NEBL: variants seen among roughly 807,000 people sequenced by gnomAD.
NEBL encodes LIM and SH3 protein 2.
NEBL carries 122 observed loss-of-function variants against 140.2 expected under a neutral mutation model. That is an observed-to-expected ratio of 0.87 (90% confidence interval 0.75 to 1.01). The LOEUF is 1.01. Among genes scored for constraint, NEBL ranks in the 50% least tolerant of loss-of-function variants. NEBL has a pLI of 0.00. For synonymous variants in NEBL, 436 were observed against 398.9 expected, an observed-to-expected ratio of 1.09 and a Z score of -1.11; for missense variants, 1,365 against 1,231.3, an observed-to-expected ratio of 1.11 and a Z score of -1.62.
In NEBL at chr10:20,966,903, C is replaced by G. The variant is rs946229102; in HGVS notation, c.250-5124G>C. On this transcript the variant is annotated intron_variant, in intron 3 of 6. Transcript: ENST00000417816. ...AAGGAAGAAGGAAGCCAACTGGGAC[C>G]AGAGACTGGTAAATTGTTGAATGAC... Among the ~76,000 whole-genome samples the G allele has an allele frequency of 7.2e-5, 11 of 152,254 alleles. No homozygotes were observed. In the Middle Eastern group the frequency reaches 0.01, roughly 141 times the overall value.
chr10:21,083,221 G>A (rs752471698), intron 2 of NEBL, among the ~76,000 whole-genome samples: 22 of 152,194 alleles, frequency 1.4e-4, no homozygotes, highest in Non-Finnish European at 3.1e-4. Context: ...GGCCTATCAG[G>A]GAAAATGCTG....
chr10:20,844,669 T>C (rs1841738683), intron 12 of NEBL, among the ~76,000 whole-genome samples: 1 of 151,974 alleles, frequency 6.6e-6, no homozygotes, highest in Non-Finnish European at 1.5e-5. Flanking sequence ...AAAGTGGACA[T>C]GAGTTCCTCT....
chr10:20,858,962 G>A (rs1012425612), intron 8 of NEBL, among the ~76,000 whole-genome samples: 2 of 152,026 alleles, frequency 1.3e-5, no homozygotes, highest in Non-Finnish European at 1.5e-5. Context: ...TGATAAAACA[G>A]GATTTAGATC....
intron 3 of NEBL, among the ~76,000 whole-genome samples, chr10:21,240,865 A>G (rs1842428892): frequency 6.6e-6 from 1 of 151,108 alleles, no homozygotes; most frequent in Non-Finnish European, 1.5e-5. Flanking sequence ...AAGGAGGAGG[A>G]ACACTCATTT....
At chr10:20,969,674 T>C (rs1477691927) in intron 3 of NEBL, among the ~76,000 whole-genome samples, 1 of 151,350 alleles carries the variant, frequency 6.6e-6, no homozygotes, top group Non-Finnish European at 1.5e-5. Flanking sequence ...GCCTCCTCAG[T>C]AGCTGGGATT....
Position 20,897,167 on chromosome 10 carries a change from A to G in NEBL, c.39T>C (p.Thr13=), listed in dbSNP as rs750466214. 13 of 1,606,508 alleles carry G rather than the reference A, an allele frequency of 8.1e-6. No homozygotes were observed. In the South Asian group the frequency reaches 1.3e-4, roughly 16 times the overall value. ...VPVFEDIKDE[T]EEEKIGEEEN... ...CTTCTTCCCCTATCTTTTCTTCTTC[A>G]GTTTCATCTTTTATATCCTCAAATA... is the stretch of plus-strand genomic sequence containing the variant. Residue 13 remains threonine (T), a synonymous_variant, in exon 1 of 28, where the codon ACT becomes ACC. Transcript: ENST00000377122.
At chr10:20,998,849 T>C (rs1270079276) in intron 3 of NEBL, among the ~76,000 whole-genome samples, 3 of 152,204 alleles carry the variant, frequency 2.0e-5, no homozygotes, top group Non-Finnish European at 4.4e-5. Context: ...GTCTATGGAC[T>C]AACTTCTGTC....
chr10:20,825,620 C>T (rs1034617614), intron 18 of NEBL, among the ~76,000 whole-genome samples: 16 of 151,132 alleles, frequency 1.1e-4, no homozygotes, highest in East Asian at 3.9e-4. Flanking sequence ...GCTGAGATTA[C>T]GCCACTGCAC....
At chr10:20,952,106 T>C (rs951220205) in intron 4 of NEBL, among the ~76,000 whole-genome samples, 5 of 152,174 alleles carry the variant, frequency 3.3e-5, no homozygotes, top group South Asian at 2.1e-4. Flanking sequence ...CAATGACTAA[T>C]GGCTCAAACC....
chr10:21,232,621 A>T (rs544821848), intron 3 of NEBL, among the ~76,000 whole-genome samples: 36 of 152,266 alleles, frequency 2.4e-4, no homozygotes, highest in Admixed American at 2.2e-3. Context: ...AGCAGTTCAC[A>T]ATAGGGTTTG....
intron 18 of NEBL, among the ~76,000 whole-genome samples, chr10:20,825,822 G>A (rs771499406): frequency 1.3e-5 from 2 of 152,162 alleles, no homozygotes; most frequent in Non-Finnish European, 2.9e-5. Flanking sequence ...TCCAACAGAA[G>A]AGGACCCCTC....
rs532410290 is a variant in NEBL at position 20,914,204 on chromosome 10, G to A, written c.357+47468C>T. Reference sequence around the variant, plus strand: ...AGAGACATTTAGCTGTGGATAATTCGATGTCAGTAAGTGCTGGAGCTAAAT... The same window carrying A: ...AGAGACATTTAGCTGTGGATAATTCAATGTCAGTAAGTGCTGGAGCTAAAT... On this transcript the variant is annotated intron_variant, in intron 4 of 6. Transcript: ENST00000417816. 7.2e-5 allele frequency among the ~76,000 whole-genome samples: 11 copies of A among 152,326 alleles called. No individual in the cohort carries two copies. In the South Asian group the frequency reaches 2.3e-3, roughly 32 times the overall value.
At chr10:21,276,998 G>A (rs1413706597) in intron 1 of NEBL, among the ~76,000 whole-genome samples, 1 of 151,864 alleles carries the variant, frequency 6.6e-6, no homozygotes, top group African/African-American at 2.4e-5. Context: ...GTATAGTGGT[G>A]CACACTTGTA....
intron 2 of NEBL, among the ~76,000 whole-genome samples, chr10:21,061,945 C>T (rs903174086): frequency 6.6e-6 from 1 of 152,192 alleles, no homozygotes; most frequent in Non-Finnish European, 1.5e-5. Flanking sequence ...AGCTAGATGA[C>T]TCACATGTCT....
chr10:21,040,530 A>C (rs753930505), intron 2 of NEBL, among the ~76,000 whole-genome samples: 6 of 152,120 alleles, frequency 3.9e-5, no homozygotes, highest in Non-Finnish European at 5.9e-5. Flanking sequence ...AGACTCCTTT[A>C]AACAGCCAGC....
At chr10:20,853,322 A>G (rs1051335936) in intron 9 of NEBL, among the ~76,000 whole-genome samples, 2 of 152,210 alleles carry the variant, frequency 1.3e-5, no homozygotes, top group African/African-American at 4.8e-5. Flanking sequence ...AAGACACCAA[A>G]TTGAACAGGG....
At chr10:20,942,831 T>C (rs917881588) in intron 4 of NEBL, among the ~76,000 whole-genome samples, 2 of 152,086 alleles carry the variant, frequency 1.3e-5, no homozygotes, top group African/African-American at 2.4e-5. Context: ...AAAAGACACA[T>C]GAAAAAATGC....
At chr10:20,822,614 T>G (rs1333175598) in intron 19 of NEBL, among the ~76,000 whole-genome samples, 2 of 151,044 alleles carry the variant, frequency 1.3e-5, no homozygotes, top group Admixed American at 1.3e-4. Context: ...TAAACTAATA[T>G]AGACTATATA....
intron 2 of NEBL, among the ~76,000 whole-genome samples, chr10:21,093,085 G>A (rs1374658985): frequency 6.1e-5 from 9 of 148,032 alleles, no homozygotes; most frequent in East Asian, 2.0e-4. Context: ...GGCTTCTTGC[G>A]TATCTACCAA....
Sources: allele counts gnomAD v4.1 joint callset (sites outside exome capture counted in the v4.1 genomes callset), GRCh38; gene constraint gnomAD v4.1.1; transcripts MANE v1.5; gene names NCBI Gene and HGNC (gene_info 2026-07-23, HGNC 2026-07-21).